The following PCDHGA9 variants were observed in gnomAD, a reference collection of about 807,000 sequenced individuals.
The protein encoded by PCDHGA9 is protocadherin gamma subfamily A, 9, also known as protocadherin gamma-A9.
In PCDHGA9, 37 loss-of-function variants were observed where a neutral mutation model predicts 62.5. That is an observed-to-expected ratio of 0.59 (90% CI 0.46 to 0.78). PCDHGA9 has a LOEUF of 0.78. Among genes scored for constraint, PCDHGA9 ranks in the 30% least tolerant of loss-of-function variants. The pLI is 0.00. For missense variants in PCDHGA9, 1,138 were observed against 1,166.2 expected, an observed-to-expected ratio of 0.98 and a Z score of 0.35; for synonymous variants, 459 against 484.6, an observed-to-expected ratio of 0.95 and a Z score of 0.69.
Position 141,477,914 on chromosome 5 carries a change from G to T in PCDHGA9, c.2425-16893G>T. On this transcript the variant is annotated intron_variant, in intron 1 of 3. Coordinates refer to ENST00000573521, the MANE Select transcript of PCDHGA9 (RefSeq NM_018921.3). The surrounding 1 kb of genome is among the most constrained non-coding windows in gnomAD (Gnocchi z 4.9). ...ACGGGTGGTAGGCTGGGACGCGGAT[G>T]CAGGGCACAATGCCTGGCTCTCCTA... 2 of 1,614,204 alleles carry T rather than the reference G, an allele frequency of 1.2e-6. No homozygotes were observed. The highest frequency in any genetic ancestry group is 1.7e-6 in the Non-Finnish European group (2 of 1,180,044).
chr5:141,404,899 T>C lies in PCDHGA9; in HGVS notation c.1947T>C (p.His649=), dbSNP rs768489392. The change falls in exon 1 of 4, where the codon CAT becomes CAC. Residue 649 remains histidine, a synonymous_variant. Transcript: ENST00000573521. ...KQSLVVAVQD[H]GQPPLSATVT... is the part of the protein sequence containing the mutation. ...GCCTTGTGGTGGCTGTACAGGACCA[T>C]GGCCAGCCCCCTCTCTCGGCCACTG... is the stretch of plus-strand genomic sequence containing the variant. The C allele has an allele frequency of 6.2e-7, 1 of 1,613,718 alleles. No homozygotes were observed. The highest frequency in any genetic ancestry group is 2.2e-5 in the East Asian group (1 of 44,878).
rs374191427 is a variant in PCDHGA9 at position 141,419,804 on chromosome 5, G to A, written c.2424+14428G>A. ...GCGCCTGCTAGTCGCTGTAAGAGAT[G>A]GAGGACAGCCACCCCTTTCAGCCAC... On this transcript the variant is annotated intron_variant, in intron 1 of 3. Coordinates refer to ENST00000573521, the MANE Select transcript of PCDHGA9 (RefSeq NM_018921.3). The A allele has an allele frequency of 2.8e-5, 45 of 1,613,946 alleles. No homozygotes were observed. The highest frequency in any genetic ancestry group is 1.6e-4 in the Middle Eastern group (1 of 6,082).
intron 1 of PCDHGA9, among the ~76,000 whole-genome samples, chr5:141,480,704 G>A (rs545986902): frequency 8.5e-5 from 13 of 152,206 alleles, no homozygotes; most frequent in East Asian, 5.8e-4. Flanking sequence ...GCCACACCCC[G>A]ACAAATGAAA....
chr5:141,428,646 C>T (rs542682298), intron 1 of PCDHGA9: 7 of 170,630 alleles, frequency 4.1e-5, no homozygotes, highest in South Asian at 3.0e-4. Flanking sequence ...CTCCTACTCA[C>T]GTGAGTTCCA....
At chr5:141,418,316 A>G in intron 1 of PCDHGA9, 1 of 1,614,026 alleles carries the variant, frequency 6.2e-7, no homozygotes, top group Non-Finnish European at 8.5e-7. Context: ...GATGGGAACA[A>G]TTCTTGAGTC....
intron 1 of PCDHGA9, chr5:141,441,249 T>TA (rs981387539): frequency 2.0e-5 from 3 of 152,206 alleles, no homozygotes. Context: ...ACAAGATCTT[T>TA]AAATCACAAG....
rs2099702455 is a variant in PCDHGA9, at chr5:141,490,641, G to C, written c.2425-4166G>C. 6.2e-7 allele frequency: 1 copy of C among 1,614,042 alleles called. No homozygotes were observed. Among genetic ancestry groups the C allele is most frequent in the Admixed American group, 1.7e-5 (1 of 60,004 alleles). On this transcript the variant is annotated intron_variant, in intron 1 of 3. Coordinates refer to ENST00000573521, the MANE Select transcript of PCDHGA9 (RefSeq NM_018921.3). The surrounding 1 kb of genome is among the most constrained non-coding windows in gnomAD (Gnocchi z 5.4). ...ACACTGCTTACATCCTAGAAAACCG[G>C]CCTCCGGGCTCCCTTCTTTGCACTG...
Position 141,404,147 on chromosome 5 carries a change from G to C in PCDHGA9, c.1195G>C (p.Glu399Gln). 1 of 1,612,990 alleles carries C rather than the reference G, an allele frequency of 6.2e-7. No homozygotes were observed. Among genetic ancestry groups the C allele is most frequent in the African/African-American group, 1.3e-5 (1 of 75,026 alleles). Residue 399 changes from glutamate to glutamine, a missense_variant, in exon 1 of 4, where the codon GAA becomes CAA. Physicochemically the swap from Glu to Gln is conservative, Grantham distance 29 (BLOSUM62 2). Transcript: ENST00000573521. ...ATCTTTTACATTAGAAAATTCAGAA[G>C]AAGATTATTACAGATTGTTGACGGC... is the stretch of plus-strand genomic sequence containing the variant. Reference protein sequence around the residue: ...NLSFTLENSEEDYYRLLTAQI... With the variant: ...NLSFTLENSEQDYYRLLTAQI...
In PCDHGA9 at chr5:141,486,157, A is replaced by C. The variant is rs1562110580; in HGVS notation, c.2425-8650A>C. On this transcript the variant is annotated intron_variant, in intron 1 of 3. Transcript: ENST00000573521. This position sits in a 1 kb window ranked among gnomAD's most constrained non-coding sequence, Gnocchi z 5.0. ...TGCGGGCTCGCGATGGGGGTTCTCC[A>C]GCCATGGAGCAACATTGCAGCCTTC... 10 of 1,614,208 alleles carry C rather than the reference A, an allele frequency of 6.2e-6. No individual in the cohort carries two copies. The highest frequency in any genetic ancestry group is 8.5e-6 in the Non-Finnish European group (10 of 1,180,028).
At position 141,491,151 on chromosome 5, in the gene PCDHGA9, T is replaced by C. The variant is rs1283775894; in HGVS notation, c.2425-3656T>C. The C allele has an allele frequency of 6.2e-7, 1 of 1,614,150 alleles. No individual in the cohort carries two copies. On this transcript the variant is annotated intron_variant, in intron 1 of 3. Transcript: ENST00000573521. The surrounding 1 kb of genome is among the most constrained non-coding windows in gnomAD (Gnocchi z 6.9). ...GCACAGCCCGGGCCTTACTGGAGGA[T>C]GACTCTGACACCCAGCAGGTGGTGG...
At chr5:141,467,064 T>C (rs1289790911) in intron 1 of PCDHGA9, among the ~76,000 whole-genome samples, 2 of 151,724 alleles carry the variant, frequency 1.3e-5, no homozygotes, top group Middle Eastern at 3.2e-3. Context: ...TCTTTTTTTT[T>C]TTTTTTTAGA....
intron 2 of PCDHGA9, among the ~76,000 whole-genome samples, chr5:141,500,774 A>G (rs1479931234): frequency 6.6e-6 from 1 of 152,188 alleles, no homozygotes; most frequent in Non-Finnish European, 1.5e-5. Context: ...TCTTATGAAT[A>G]TACATATTAT....
intron 1 of PCDHGA9, among the ~76,000 whole-genome samples, chr5:141,450,782 C>G (rs1012152203): frequency 6.6e-6 from 1 of 151,236 alleles, no homozygotes; most frequent in Non-Finnish European, 1.5e-5. Context: ...CCACCGTGCC[C>G]GGACCTCATG....
At position 141,478,736 on chromosome 5, in the gene PCDHGA9, T is replaced by G; in HGVS notation, c.2425-16071T>G. On this transcript the variant is annotated intron_variant, in intron 1 of 3. Coordinates refer to ENST00000573521, the MANE Select transcript of PCDHGA9 (RefSeq NM_018921.3). Reference sequence around the variant, plus strand: ...TGGTGGCCTGCCAGAGTGTGGTTTGTGGTCCCATTTCAGGGGGAAGATACT... The same window carrying G: ...TGGTGGCCTGCCAGAGTGTGGTTTGGGGTCCCATTTCAGGGGGAAGATACT... 5 of 1,534,796 alleles carry G rather than the reference T, an allele frequency of 3.3e-6. No homozygotes were observed. In the South Asian group the frequency reaches 6.2e-5, roughly 19 times the overall value.
chr5:141,485,867 G>A lies in PCDHGA9; in HGVS notation c.2425-8940G>A. On this transcript the variant is annotated intron_variant, in intron 1 of 3. Coordinates refer to ENST00000573521, the MANE Select transcript of PCDHGA9 (RefSeq NM_018921.3). The surrounding 1 kb of genome is among the most constrained non-coding windows in gnomAD (Gnocchi z 5.7). ...TGGCACCGCAGAGCTCCGGGTATCC[G>A]TGCTGGACGTAAACGACAACGCCCC... The A allele has an allele frequency of 1.9e-6, 3 of 1,614,164 alleles. No homozygotes were observed. Among genetic ancestry groups the A allele is most frequent in the Non-Finnish European group, 8.5e-7 (1 of 1,180,040 alleles).
intron 1 of PCDHGA9, among the ~76,000 whole-genome samples, chr5:141,472,590 C>T (rs1161871973): frequency 6.6e-6 from 1 of 151,908 alleles, no homozygotes; most frequent in Non-Finnish European, 1.5e-5. Flanking sequence ...GTCAGAAGCT[C>T]TCTTGAAATT....
chr5:141,433,208 CTTTT>C (rs745329085), intron 1 of PCDHGA9: 3 of 1,293,778 alleles, frequency 2.3e-6, no homozygotes, highest in African/African-American at 1.5e-5. Flanking sequence ...AATCTTCTTT[CTTTT>C]TTTTTTTTAA....
intron 1 of PCDHGA9, among the ~76,000 whole-genome samples, chr5:141,443,781 C>CA (rs1227271563): frequency 8.6e-5 from 13 of 150,636 alleles, no homozygotes; most frequent in South Asian, 2.1e-4. Flanking sequence ...ACCAAAAAGA[C>CA]AAAAAAAATG....
chr5:141,480,946 G>A (rs1415705408), intron 1 of PCDHGA9, among the ~76,000 whole-genome samples: 1 of 152,172 alleles, frequency 6.6e-6, no homozygotes, highest in Non-Finnish European at 1.5e-5. Context: ...TCTAGAGGCT[G>A]AGGCGGAAGC....
Sources: gnomAD v4.1 joint callset for allele counts (sites outside exome capture counted in the v4.1 genomes callset) on GRCh38, gnomAD v4.1.1 for gene constraint, Gnocchi (gnomAD v3.1) non-coding constraint, MANE v1.5 for transcripts, NCBI Gene and HGNC (gene_info 2026-07-23, HGNC 2026-07-21) for gene names.